The following OTUD7B variants were observed in gnomAD, a reference collection of about 807,000 sequenced individuals.
OTUD7B encodes OTU deubiquitinase 7B.
A neutral mutation model predicts 82.2 loss-of-function variants in OTUD7B; 34 were observed. The observed-to-expected ratio is 0.41, with a 90% confidence interval of 0.31 to 0.55. The LOEUF (loss-of-function observed/expected upper bound fraction) is 0.55, where lower values mean the gene tolerates loss of function less well. Among genes scored for constraint, OTUD7B ranks in the 20% least tolerant of loss-of-function variants. The pLI is 0.20. For missense variants in OTUD7B, 944 were observed against 1,062.1 expected, an observed-to-expected ratio of 0.89 and a Z score of 1.55; for synonymous variants, 398 against 402.7, an observed-to-expected ratio of 0.99 and a Z score of 0.14.
At chr1:150,046,175 G>C in the OTUD7B span, among the ~76,000 whole-genome samples, 2 of 152,250 alleles carry the variant, frequency 1.3e-5, no homozygotes, top group African/African-American at 4.8e-5. Context: ...CAGAGTTGCA[G>C]TTGTGTGGCA....
At chr1:149,964,160 C>T in intron 6 of OTUD7B, 62 bp downstream of exon 6, 1 of 1,585,790 alleles carries the variant, frequency 6.3e-7, no homozygotes, top group Non-Finnish European at 8.6e-7. Flanking sequence ...TGGCAGGCAC[C>T]CAGTGACTTT....
intron 1 of OTUD7B, among the ~76,000 whole-genome samples, chr1:149,978,922 A>G (rs1387492356): frequency 6.6e-6 from 1 of 152,214 alleles, no homozygotes; most frequent in African/African-American, 2.4e-5. Flanking sequence ...AGGTCAAAGC[A>G]TAATTGTTGA....
chr1:150,062,222 A>G, the OTUD7B span, among the ~76,000 whole-genome samples: 1 of 152,224 alleles, frequency 6.6e-6, no homozygotes, highest in Admixed American at 6.5e-5. Flanking sequence ...GAGTATGTAC[A>G]GTATATCTTT....
At chr1:149,972,740 T>C (rs1248362540) in intron 2 of OTUD7B, among the ~76,000 whole-genome samples, 2 of 152,200 alleles carry the variant, frequency 1.3e-5, no homozygotes, top group African/African-American at 4.8e-5. Flanking sequence ...CAATAAATAT[T>C]TGTTGAATTA....
At chr1:149,951,967 G>C (rs1648289057) in intron 7 of OTUD7B, among the ~76,000 whole-genome samples, 1 of 151,312 alleles carries the variant, frequency 6.6e-6, no homozygotes, top group Non-Finnish European at 1.5e-5. Flanking sequence ...TCAATAAACA[G>C]ATTCTAGCCT....
chr1:150,007,112 A>C (rs587641379), intron 1 of OTUD7B, among the ~76,000 whole-genome samples: 15 of 151,836 alleles, frequency 9.9e-5, no homozygotes, highest in South Asian at 6.2e-4. Flanking sequence ...TATTCCCCCC[A>C]CTCACAACTT....
intron 5 of OTUD7B, 48 bp from the exon 6 acceptor site, chr1:149,964,397 A>G (rs1553776107): frequency 2.5e-6 from 4 of 1,588,682 alleles, no homozygotes; most frequent in Middle Eastern, 1.7e-4. Flanking sequence ...TGACTCTGCT[A>G]ATTTTTGTAT....
upstream of OTUD7B, among the ~76,000 whole-genome samples, chr1:150,011,419 G>C (rs1030743634): frequency 6.6e-6 from 1 of 152,104 alleles, no homozygotes; most frequent in African/African-American, 2.4e-5. Context: ...GATACAGGGG[G>C]ATACAAAAAT....
At chr1:149,974,920 C>T (rs587749173) in intron 2 of OTUD7B, among the ~76,000 whole-genome samples, 177 of 151,742 alleles carry the variant, frequency 1.2e-3, no homozygotes, top group East Asian at 5.8e-4. Context: ...TCTCAAACTC[C>T]TGGGCTTAAT....
the OTUD7B span, among the ~76,000 whole-genome samples, chr1:150,060,079 G>T: frequency 7.2e-5 from 11 of 152,152 alleles, no homozygotes; most frequent in Admixed American, 2.0e-4. Flanking sequence ...TTTAATATTG[G>T]CATATAAAAG....
At position 149,947,092 on chromosome 1, in the gene OTUD7B, T is replaced by G. The variant is rs115549897; in HGVS notation, c.1323+159A>C. Among the ~76,000 whole-genome samples the G allele has an allele frequency of 2.8e-3, 432 of 152,160 alleles. 2 individuals are homozygous for G. The highest frequency in any genetic ancestry group is 9.9e-3 in the African/African-American group (412 of 41,512). ...AAAATACAATAAAAACAGGAAAAAT[T>G]GTCTTTGGAACTTATCTGACATCTT... On this transcript the variant is annotated intron_variant, in intron 11 of 11. Transcript: ENST00000581312.
intron 1 of OTUD7B, among the ~76,000 whole-genome samples, chr1:150,005,676 T>C (rs182453279): frequency 1.2e-4 from 19 of 152,174 alleles, no homozygotes; most frequent in Admixed American, 5.2e-4. Flanking sequence ...TTTTTTTAAT[T>C]GGACATACTT....
At chr1:149,949,962 T>C in intron 8 of OTUD7B, 132 bp downstream of exon 8, 1 of 1,352,300 alleles carries the variant, frequency 7.4e-7, no homozygotes, top group Non-Finnish European at 1.0e-6. Flanking sequence ...AATTTTGCAC[T>C]ATTCTAATTG....
chr1:150,052,936 GAA>G, the OTUD7B span, among the ~76,000 whole-genome samples: 1 of 151,924 alleles, frequency 6.6e-6, no homozygotes, highest in African/African-American at 2.4e-5. Flanking sequence ...AAGCAATAGA[GAA>G]AAGACTCCCT....
At chr1:149,976,386 C>A (rs1265787153) in intron 2 of OTUD7B, among the ~76,000 whole-genome samples, 1 of 151,662 alleles carries the variant, frequency 6.6e-6, no homozygotes, top group Admixed American at 6.6e-5. Flanking sequence ...CCGAGGCAGG[C>A]GGATCACCTG....
At position 149,977,514 on chromosome 1, in the gene OTUD7B, A is replaced by G. The variant is rs1553778866; in HGVS notation, c.-4T>C. ...CAGCATCCATGTCCAGGGTCATGTG[A>G]TCCTCAAGTACTTTCAGCCAGCTGG... is the stretch of plus-strand genomic sequence containing the variant. On this transcript the variant is annotated 5_prime_UTR_variant, in exon 2 of 12. Transcript: ENST00000581312. 1 of 1,612,906 alleles carries G rather than the reference A, an allele frequency of 6.2e-7. No homozygotes were observed. The highest frequency in any genetic ancestry group is 1.3e-5 in the African/African-American group (1 of 75,002).
chr1:150,019,453 C>T, the OTUD7B span, among the ~76,000 whole-genome samples: 5 of 152,118 alleles, frequency 3.3e-5, no homozygotes, highest in Non-Finnish European at 7.4e-5. Flanking sequence ...CTGCAACCTC[C>T]GGCTCCCAGG....
the OTUD7B span, chr1:150,054,615 A>C: frequency 2.7e-6 from 1 of 366,818 alleles, no homozygotes; most frequent in Admixed American, 3.5e-5. Context: ...CAAGACCAGC[A>C]CGGCCAACAT....
chr1:150,035,993 G>T, the OTUD7B span, among the ~76,000 whole-genome samples: 1 of 133,042 alleles, frequency 7.5e-6, no homozygotes, highest in Admixed American at 8.8e-5. Flanking sequence ...TCTGTCTGCC[G>T]TCCAGGCTGG....
Sources: gnomAD v4.1 joint callset for allele counts (sites outside exome capture counted in the v4.1 genomes callset) on GRCh38, gnomAD v4.1.1 for gene constraint, MANE v1.5 for transcripts, NCBI Gene and HGNC (gene_info 2026-07-23, HGNC 2026-07-21) for gene names.